The following NRXN3 variants were observed in gnomAD, a reference collection of about 807,000 sequenced individuals.
NRXN3 encodes neurexin 3.
Under a neutral mutation model 137.6 loss-of-function variants are expected in NRXN3, and 32 were observed. The ratio of observed to expected loss-of-function variants is 0.23; its 90% CI spans 0.18 to 0.31. The LOEUF is 0.31. NRXN3 is among the 10% of genes least tolerant of loss of function. The pLI is 1.00. For synonymous variants in NRXN3, 798 were observed against 784.5 expected, an observed-to-expected ratio of 1.02 and a Z score of -0.29; for missense variants, 1,574 against 2,062.5, an observed-to-expected ratio of 0.76 and a Z score of 4.59.
At chr14:79,165,225 C>T (rs1350798728) in intron 15 of NRXN3, among the ~76,000 whole-genome samples, 1 of 151,924 alleles carries the variant, frequency 6.6e-6, no homozygotes, top group African/African-American at 2.4e-5. Flanking sequence ...TTCTAAGGAC[C>T]AGGTCTGTTT....
chr14:78,490,843 C>T (rs1262776525), intron 4 of NRXN3, among the ~76,000 whole-genome samples: 1 of 152,158 alleles, frequency 6.6e-6, no homozygotes, highest in Admixed American at 6.5e-5. Flanking sequence ...GTAACTTGTC[C>T]TAGGTCACGG....
intron 4 of NRXN3, among the ~76,000 whole-genome samples, chr14:78,621,193 A>C (rs1251851498): frequency 6.6e-6 from 1 of 152,196 alleles, no homozygotes; most frequent in Non-Finnish European, 1.5e-5. Context: ...TGCATGGTCC[A>C]CATGAATGCA....
intron 18 of NRXN3, among the ~76,000 whole-genome samples, chr14:79,692,991 G>C (rs768824189): frequency 4.6e-5 from 7 of 151,916 alleles, no homozygotes; most frequent in Non-Finnish European, 1.0e-4. Context: ...ATAATGAGTT[G>C]GAAAAGAAAA....
chr14:79,805,025 T>G, intron 19 of NRXN3, 87 bp from the exon 20 acceptor site: 2 of 898,386 alleles, frequency 2.2e-6, no homozygotes, highest in Non-Finnish European at 3.6e-6. Context: ...CAGTGATAAA[T>G]CTTTGATGTC....
intron 15 of NRXN3, chr14:79,279,910 G>C: frequency 9.6e-7 from 1 of 1,042,420 alleles, no homozygotes; most frequent in South Asian, 3.7e-5. Flanking sequence ...CCTTTCCTCT[G>C]TGTGGCTCCC....
intron 4 of NRXN3, among the ~76,000 whole-genome samples, chr14:78,568,531 G>C (rs935182852): frequency 1.3e-5 from 2 of 152,260 alleles, no homozygotes; most frequent in East Asian, 3.9e-4. Context: ...AGGTATACCA[G>C]GTATCCCAGA....
At chr14:79,042,837 T>C (rs1054900841) in intron 15 of NRXN3, among the ~76,000 whole-genome samples, 6 of 152,124 alleles carry the variant, frequency 3.9e-5, no homozygotes, top group South Asian at 4.1e-4. Flanking sequence ...TGTCCTGCTG[T>C]CCTGGAAAGG....
chr14:78,988,783 G>GTA (rs1370706571), intron 15 of NRXN3, among the ~76,000 whole-genome samples: 2 of 150,496 alleles, frequency 1.3e-5, no homozygotes, highest in East Asian at 3.9e-4. Flanking sequence ...GTGTGTGTGT[G>GTA]TGTATATATA....
At chr14:79,599,463 A>G (rs1390739845) in intron 16 of NRXN3, among the ~76,000 whole-genome samples, 1 of 152,166 alleles carries the variant, frequency 6.6e-6, no homozygotes, top group Admixed American at 6.5e-5. Flanking sequence ...GTTCTTCTCC[A>G]GACAGATCAT....
chr14:79,349,478 T>A (rs141314264), intron 15 of NRXN3, among the ~76,000 whole-genome samples: 332 of 151,750 alleles, frequency 2.2e-3, no homozygotes, highest in African/African-American at 7.5e-3. Flanking sequence ...CTAGGTTTTT[T>A]ATTCTGAAAG....
At chr14:78,662,629 T>C (rs769559740) in intron 6 of NRXN3, among the ~76,000 whole-genome samples, 1 of 152,144 alleles carries the variant, frequency 6.6e-6, no homozygotes, top group African/African-American at 2.4e-5. Context: ...GATCTATAGA[T>C]AGATTGATTT....
At chr14:78,193,570 G>A (rs1310443017) in intron 1 of NRXN3, among the ~76,000 whole-genome samples, 1 of 151,834 alleles carries the variant, frequency 6.6e-6, no homozygotes, top group African/African-American at 2.4e-5. Context: ...AAGACCAGCC[G>A]GGACAACATG....
intron 15 of NRXN3, among the ~76,000 whole-genome samples, chr14:79,214,296 G>A (rs2068150147): frequency 6.6e-6 from 1 of 152,210 alleles, no homozygotes; most frequent in African/African-American, 2.4e-5. Flanking sequence ...AGTTGATAAA[G>A]TGCCTAGACT....
intron 4 of NRXN3, among the ~76,000 whole-genome samples, chr14:78,546,182 G>A (rs1435685836): frequency 6.6e-6 from 1 of 152,162 alleles, no homozygotes; most frequent in Non-Finnish European, 1.5e-5. Flanking sequence ...ACATACTCAA[G>A]CAATGTATGA....
rs376639013 is a variant in NRXN3 at position 78,663,640 on chromosome 14, A to C, written c.1221+12314A>C. On this transcript the variant is annotated intron_variant, in intron 6 of 20. Transcript: ENST00000335750. ...CCTTCAAAACACCCAAATAAGGAGCAGCTACTATTTAGACTTATTATGAAT... is the reference window on the plus strand; with the variant it reads ...CCTTCAAAACACCCAAATAAGGAGCCGCTACTATTTAGACTTATTATGAAT... 5.2e-4 allele frequency among the ~76,000 whole-genome samples: 79 copies of C among 152,322 alleles called. 1 individual carries two copies. In the South Asian group the frequency reaches 7.7e-3, roughly 15 times the overall value.
At chr14:79,146,401 C>A (rs1408103889) in intron 15 of NRXN3, among the ~76,000 whole-genome samples, 1 of 152,004 alleles carries the variant, frequency 6.6e-6, no homozygotes, top group African/African-American at 2.4e-5. Flanking sequence ...AGAGGGTGTT[C>A]TAGGTAGGAT....
chr14:78,443,938 A>G (rs914001517), intron 4 of NRXN3, among the ~76,000 whole-genome samples: 8 of 152,160 alleles, frequency 5.3e-5, no homozygotes, highest in South Asian at 2.1e-4. Flanking sequence ...TTTTTTTGTC[A>G]TTACTTTTAA....
intron 15 of NRXN3, among the ~76,000 whole-genome samples, chr14:78,992,352 A>C (rs75196557): frequency 0.015 from 2,278 of 152,300 alleles, 37 homozygotes; most frequent in Admixed American, 0.043. Context: ...GGTGAGCACC[A>C]CCTGAAAATC....
At position 78,686,335 on chromosome 14, in the gene NRXN3, C is replaced by A. The variant is rs183041245; in HGVS notation, c.1222-22882C>A. Among the ~76,000 whole-genome samples, 214 of 152,272 alleles carry A rather than the reference C, an allele frequency of 1.4e-3. 1 individual carries two copies. The highest frequency in any genetic ancestry group is 4.8e-3 in the African/African-American group (201 of 41,558). On this transcript the variant is annotated intron_variant, in intron 6 of 20. Transcript: ENST00000335750. Reference sequence around the variant, plus strand: ...CCAATGTACCATTTCTCTGAAATAACTTTACAGTTCTTTATTGGAACAAAA... The same window carrying A: ...CCAATGTACCATTTCTCTGAAATAAATTTACAGTTCTTTATTGGAACAAAA...
Sources: gnomAD v4.1 joint callset for allele counts (sites outside exome capture counted in the v4.1 genomes callset) on GRCh38, gnomAD v4.1.1 for gene constraint, MANE v1.5 for transcripts, NCBI Gene and HGNC (gene_info 2026-07-23, HGNC 2026-07-21) for gene names.